The following TSPAN13 variants were observed in gnomAD, a reference collection of about 807,000 sequenced individuals.
TSPAN13 encodes tetraspanin 13.
A neutral mutation model predicts 26.9 loss-of-function variants in TSPAN13; 18 were observed. The ratio of observed to expected loss-of-function variants is 0.67; its 90% CI spans 0.46 to 0.99. The LOEUF (loss-of-function observed/expected upper bound fraction) is 0.99, where lower values mean the gene tolerates loss of function less well. Among genes scored for constraint, TSPAN13 ranks in the 50% least tolerant of loss-of-function variants. The pLI is 0.00. For synonymous variants in TSPAN13, 116 were observed against 98.4 expected (o/e 1.18, Z -1.06); for missense variants, 201 against 249.6 (o/e 0.81, Z 1.31).
chr7:16,771,871 G>C (rs539269350), intron 1 of TSPAN13, among the ~76,000 whole-genome samples: 1 of 152,144 alleles, frequency 6.6e-6, no homozygotes, highest in African/African-American at 2.4e-5. Flanking sequence ...GAATCAACTT[G>C]GTGAGGAATG....
At chr7:16,778,899 T>G in intron 4 of TSPAN13, 104 bp from the exon 5 acceptor site, 1 of 784,880 alleles carries the variant, frequency 1.3e-6, no homozygotes. Context: ...AGGCCTCAAA[T>G]TGGATATAAT....
At chr7:16,782,032 T>C (rs553013471) in intron 5 of TSPAN13, among the ~76,000 whole-genome samples, 37 of 152,320 alleles carry the variant, frequency 2.4e-4, no homozygotes, top group Admixed American at 2.4e-3. Context: ...TCTTGTTGCC[T>C]CAGTTTCCTC....
intron 5 of TSPAN13, among the ~76,000 whole-genome samples, chr7:16,779,900 T>C (rs1784795790): frequency 6.6e-6 from 1 of 151,404 alleles, no homozygotes; most frequent in Non-Finnish European, 1.5e-5. Flanking sequence ...GCCTCCTGAG[T>C]AGCTGGGACT....
intron 1 of TSPAN13, among the ~76,000 whole-genome samples, chr7:16,768,080 T>C (rs1784628047): frequency 6.6e-6 from 1 of 151,878 alleles, no homozygotes; most frequent in South Asian, 2.1e-4. Context: ...GCCCAGCTAA[T>C]TTTTTGTATT....
intron 5 of TSPAN13, among the ~76,000 whole-genome samples, chr7:16,781,952 G>GT (rs1784817877): frequency 2.0e-5 from 3 of 152,190 alleles, no homozygotes; most frequent in African/African-American, 7.2e-5. Context: ...CAAAAGTGGG[G>GT]TAGTTTATGG....
chr7:16,779,793 A>G (rs1400309966), intron 5 of TSPAN13, among the ~76,000 whole-genome samples: 1 of 145,798 alleles, frequency 6.9e-6, no homozygotes. Flanking sequence ...TTTTTTTGAG[A>G]TGGAGTCTTG....
intron 1 of TSPAN13, among the ~76,000 whole-genome samples, chr7:16,774,065 C>T (rs1784712494): frequency 6.6e-6 from 1 of 152,156 alleles, no homozygotes; most frequent in Non-Finnish European, 1.5e-5. Context: ...TATTACCTTC[C>T]ATCATGTGAG....
At chr7:16,765,522 C>T (rs1784595649) in intron 1 of TSPAN13, among the ~76,000 whole-genome samples, 6 of 152,140 alleles carry the variant, frequency 3.9e-5, no homozygotes, top group South Asian at 2.1e-4. Flanking sequence ...GGCGTTTACT[C>T]GGGGGAGAAA....
intron 2 of TSPAN13, 60 bp from the exon 3 acceptor site, chr7:16,776,982 T>A (rs1784758850): frequency 4.2e-6 from 5 of 1,198,292 alleles, no homozygotes; most frequent in Non-Finnish European, 6.1e-6. Context: ...AGTACCTCTG[T>A]ACCTCTGTTT....
intron 1 of TSPAN13, among the ~76,000 whole-genome samples, chr7:16,774,263 A>AATAT (rs1784714533): frequency 6.6e-6 from 1 of 152,146 alleles, no homozygotes; most frequent in South Asian, 2.1e-4. Context: ...ATTTTCACTC[A>AATAT]ATAGATAGAT....
intron 1 of TSPAN13, among the ~76,000 whole-genome samples, chr7:16,769,167 A>G (rs1161388199): frequency 1.3e-5 from 2 of 152,168 alleles, no homozygotes; most frequent in African/African-American, 4.8e-5. Flanking sequence ...TTTTTAACTT[A>G]TTTAGTTTTT....
At chr7:16,759,699 C>CTTT (rs59571826) in intron 1 of TSPAN13, among the ~76,000 whole-genome samples, 3 of 132,454 alleles carry the variant, frequency 2.3e-5, no homozygotes, top group East Asian at 2.2e-4. Context: ...TTCTTTCTTT[C>CTTT]TTTTTTTTTT....
At chr7:16,776,854 A>C (rs1163187726) in intron 2 of TSPAN13, among the ~76,000 whole-genome samples, 188 bp from the exon 3 acceptor site, 2 of 152,096 alleles carry the variant, frequency 1.3e-5, no homozygotes, top group Non-Finnish European at 2.9e-5. Context: ...TTTCTTTATA[A>C]ATTTGATGCA....
intron 1 of TSPAN13, among the ~76,000 whole-genome samples, chr7:16,754,590 G>T (rs573829448): frequency 6.6e-6 from 1 of 152,232 alleles, no homozygotes; most frequent in Non-Finnish European, 1.5e-5. Flanking sequence ...CGTGCTCACA[G>T]TAAAGGGATG....
intron 1 of TSPAN13, among the ~76,000 whole-genome samples, chr7:16,763,121 G>A (rs1024173168): frequency 6.6e-6 from 1 of 152,164 alleles, no homozygotes; most frequent in Non-Finnish European, 1.5e-5. Context: ...TAAGGAGGAT[G>A]TTTGTAGAAA....
intron 1 of TSPAN13, among the ~76,000 whole-genome samples, chr7:16,772,113 G>T (rs78640994): frequency 0.03 from 4,562 of 152,068 alleles, 191 homozygotes; most frequent in East Asian, 0.15. Flanking sequence ...CTATTAGTTG[G>T]CAACTGAGTG....
intron 2 of TSPAN13, among the ~76,000 whole-genome samples, chr7:16,776,644 T>G (rs901224181): frequency 2.3e-4 from 35 of 152,196 alleles, no homozygotes; most frequent in Admixed American, 1.5e-3. Context: ...AGAGTTAAAT[T>G]GAATTGATTT....
At chr7:16,764,320 C>A (rs1784582796) in intron 1 of TSPAN13, among the ~76,000 whole-genome samples, 1 of 152,078 alleles carries the variant, frequency 6.6e-6, no homozygotes, top group African/African-American at 2.4e-5. Context: ...AGCCACCGCG[C>A]CTGGCTCTCT....
chr7:16,762,773 C>T (rs1784558328), intron 1 of TSPAN13, among the ~76,000 whole-genome samples: 1 of 152,126 alleles, frequency 6.6e-6, no homozygotes, highest in African/African-American at 2.4e-5. Context: ...TGGCATGCCA[C>T]CAAATTACAT....
Sources: gnomAD v4.1 joint callset for allele counts (sites outside exome capture counted in the v4.1 genomes callset) on GRCh38, gnomAD v4.1.1 for gene constraint, MANE v1.5 for transcripts, NCBI Gene and HGNC (gene_info 2026-07-23, HGNC 2026-07-21) for gene names.